ATP9B: variants seen among roughly 807,000 people sequenced by gnomAD.
ATP9B encodes the protein probable phospholipid-transporting ATPase IIB.
In ATP9B, 110 loss-of-function variants were observed where a neutral mutation model predicts 146.1. That is an observed-to-expected ratio of 0.75 (90% CI 0.65 to 0.88). ATP9B has a LOEUF of 0.88. Ranked by LOEUF, ATP9B falls within the 40% of genes least tolerant of loss-of-function variation. The probability of loss-of-function intolerance (pLI) is 0.00; values close to 1 mark genes in which losing one functional copy is unlikely to be tolerated. For synonymous variants in ATP9B, 604 were observed against 569.7 expected (o/e 1.06, Z -0.86); for missense variants, 1,499 against 1,496.4 (o/e 1.00, Z -0.03).
intron 10 of ATP9B, among the ~76,000 whole-genome samples, chr18:79,210,080 A>G (rs2095570124): frequency 6.6e-6 from 1 of 152,182 alleles, no homozygotes; most frequent in Non-Finnish European, 1.5e-5. Flanking sequence ...TTAGACACAG[A>G]CAGGCAGATG....
chr18:79,330,880 T>C (rs546879799), intron 17 of ATP9B, among the ~76,000 whole-genome samples: 1 of 152,390 alleles, frequency 6.6e-6, no homozygotes, highest in South Asian at 2.1e-4. Flanking sequence ...ATCAAAGTTA[T>C]ATTTTAATGT....
chr18:79,211,730 A>G lies in ATP9B; in HGVS notation c.1031-2232A>G, dbSNP rs940598759. On this transcript the variant is annotated intron_variant, in intron 10 of 29. Transcript: ENST00000426216. ...TTGATTTAATGATGAATACTGGACCACCATCATTTTTAGGGTCCTGTTAAG... is the reference window on the plus strand; with the variant it reads ...TTGATTTAATGATGAATACTGGACCGCCATCATTTTTAGGGTCCTGTTAAG... Among the ~76,000 whole-genome samples, 9 of 152,258 alleles carry G rather than the reference A, an allele frequency of 5.9e-5. No individual in the cohort carries two copies. The South Asian group carries it at 1.9e-3, about 32-fold the overall frequency.
intron 5 of ATP9B, among the ~76,000 whole-genome samples, chr18:79,131,761 T>C (rs1218854876): frequency 6.6e-6 from 1 of 152,242 alleles, no homozygotes. Flanking sequence ...ATTTCTATGA[T>C]GGAATTTTAT....
intron 7 of ATP9B, among the ~76,000 whole-genome samples, chr18:79,160,780 T>TTTG (rs1568303525): frequency 6.8e-6 from 1 of 148,002 alleles, no homozygotes; most frequent in Non-Finnish European, 1.5e-5. Flanking sequence ...TTGTTTGTTT[T>TTTG]TTCTCTTTTT....
chr18:79,376,079 AG>A (rs1193802426), intron 29 of ATP9B: 31 of 984,768 alleles, frequency 3.1e-5, no homozygotes, highest in Non-Finnish European at 3.7e-5. Context: ...AGAGCCTCTA[AG>A]AGCAGACCGG....
In ATP9B at chr18:79,339,420, G is replaced by A. The variant is rs148857068; in HGVS notation, c.2283+1971G>A. 1.3e-3 allele frequency among the ~76,000 whole-genome samples: 195 copies of A among 149,138 alleles called. 1 individual carries two copies. The highest frequency in any genetic ancestry group is 4.4e-3 in the African/African-American group (179 of 40,306). On this transcript the variant is annotated intron_variant, in intron 19 of 29. Transcript: ENST00000426216. ...TGATTGCAGTAGGAAGTATGTCATCGCAGTAGGAAGTATGTCATCGCAGTA... is the reference window on the plus strand; with the variant it reads ...TGATTGCAGTAGGAAGTATGTCATCACAGTAGGAAGTATGTCATCGCAGTA...
intron 9 of ATP9B, among the ~76,000 whole-genome samples, chr18:79,195,862 G>T (rs546703665): frequency 2.0e-5 from 3 of 152,282 alleles, no homozygotes; most frequent in South Asian, 2.1e-4. Context: ...TGGAAGATTG[G>T]CAAGAAATAC....
intron 2 of ATP9B, among the ~76,000 whole-genome samples, chr18:79,107,531 C>T (rs1034532093): frequency 6.6e-6 from 1 of 152,058 alleles, no homozygotes; most frequent in Non-Finnish European, 1.5e-5. Context: ...CCGTGGGCGG[C>T]ATTGTGCTGA....
chr18:79,154,621 T>C, intron 7 of ATP9B, 66 bp downstream of exon 7: 3 of 1,085,226 alleles, frequency 2.8e-6, no homozygotes, highest in Non-Finnish European at 3.9e-6. Context: ...TACAAATATC[T>C]ATACAAGGAA....
At chr18:79,264,039 C>T (rs577087525) in intron 12 of ATP9B, among the ~76,000 whole-genome samples, 61 of 152,124 alleles carry the variant, frequency 4.0e-4, no homozygotes, top group African/African-American at 1.1e-3. Flanking sequence ...GAGCCGAGAT[C>T]GCGCCACTGC....
At chr18:79,083,689 G>T (rs376792771) in intron 1 of ATP9B, among the ~76,000 whole-genome samples, 1 of 151,988 alleles carries the variant, frequency 6.6e-6, no homozygotes, top group Admixed American at 6.6e-5. Flanking sequence ...TGTGCTTCCC[G>T]GGTGAGGCGA....
intron 1 of ATP9B, among the ~76,000 whole-genome samples, chr18:79,070,415 A>G (rs1023143973): frequency 6.6e-6 from 1 of 152,212 alleles, no homozygotes; most frequent in Non-Finnish European, 1.5e-5. Flanking sequence ...ACTCTCGGGT[A>G]ACTTATTTAA....
At chr18:79,348,248 G>GAAAAAAAAA in intron 25 of ATP9B, 52 bp downstream of exon 25, 6 of 822,218 alleles carry the variant, frequency 7.3e-6, no homozygotes, top group African/African-American at 4.3e-5. Context: ...CTTCTATTTT[G>GAAAAAAAAA]AAAAAAAAAA....
intron 7 of ATP9B, among the ~76,000 whole-genome samples, chr18:79,155,787 G>C (rs1176548295): frequency 8.3e-6 from 1 of 120,798 alleles, no homozygotes; most frequent in African/African-American, 3.2e-5. Context: ...TTTTGAGATG[G>C]AGTCTCGCTC....
chr18:79,336,808 C>A, intron 18 of ATP9B, 97 bp downstream of exon 18: 3 of 1,301,162 alleles, frequency 2.3e-6, no homozygotes, highest in Non-Finnish European at 3.3e-6. Context: ...GAGCTGGGAT[C>A]GCTATAGTCT....
intron 7 of ATP9B, chr18:79,174,245 T>C (rs961549284): frequency 1.1e-5 from 4 of 370,926 alleles, no homozygotes; most frequent in African/African-American, 2.2e-5. Context: ...GAAGCTATAG[T>C]GTAATGGACT....
At chr18:79,120,865 A>T (rs2094176160) in intron 4 of ATP9B, among the ~76,000 whole-genome samples, 1 of 152,226 alleles carries the variant, frequency 6.6e-6, no homozygotes, top group African/African-American at 2.4e-5. Flanking sequence ...TCTTATTTAA[A>T]AATCTTCCCT....
chr18:79,371,629 G>T (rs2097071234), intron 26 of ATP9B, among the ~76,000 whole-genome samples: 1 of 152,228 alleles, frequency 6.6e-6, no homozygotes, highest in Non-Finnish European at 1.5e-5. Context: ...CAGCGTCCGT[G>T]CCTCTGTTCT....
At chr18:79,305,394 T>C (rs2096615041) in intron 14 of ATP9B, among the ~76,000 whole-genome samples, 1 of 152,236 alleles carries the variant, frequency 6.6e-6, no homozygotes, top group Non-Finnish European at 1.5e-5. Context: ...ATTTAGCATA[T>C]GGAATGTTTA....
Sources: allele counts gnomAD v4.1 joint callset (sites outside exome capture counted in the v4.1 genomes callset), GRCh38; gene constraint gnomAD v4.1.1; transcripts MANE v1.5; gene names NCBI Gene and HGNC (gene_info 2026-07-23, HGNC 2026-07-21).